The following LRRTM3 variants were observed in gnomAD, a reference collection of about 807,000 sequenced individuals.
LRRTM3 encodes leucine-rich repeat transmembrane neuronal protein 3.
In LRRTM3, 24 loss-of-function variants were observed where a neutral mutation model predicts 44.7. The observed-to-expected ratio is 0.54, with a 90% CI of 0.39 to 0.76. LRRTM3 has a LOEUF of 0.76. Ranked by LOEUF, LRRTM3 falls within the 30% of genes least tolerant of loss-of-function variation. The pLI, the probability that LRRTM3 is intolerant of heterozygous loss-of-function variation, is 0.00. For synonymous variants in LRRTM3, 277 were observed against 278.7 expected, an observed-to-expected ratio of 0.99 and a Z score of 0.06; for missense variants, 587 against 702.2, an observed-to-expected ratio of 0.84 and a Z score of 1.85.
chr10:67,075,175 C>A (rs1856682701), intron 2 of LRRTM3, among the ~76,000 whole-genome samples: 1 of 151,864 alleles, frequency 6.6e-6, no homozygotes, highest in African/African-American at 2.4e-5. Flanking sequence ...TTTCTGCACA[C>A]ACACACACAC....
chr10:66,956,610 A>T (rs1705441949), intron 2 of LRRTM3, among the ~76,000 whole-genome samples: 1 of 152,194 alleles, frequency 6.6e-6, no homozygotes, highest in Non-Finnish European at 1.5e-5. Flanking sequence ...CAATAGTCAA[A>T]AGGCATAATG....
intron 2 of LRRTM3, among the ~76,000 whole-genome samples, chr10:67,072,854 T>A (rs896386747): frequency 6.6e-6 from 1 of 152,202 alleles, no homozygotes; most frequent in Non-Finnish European, 1.5e-5. Flanking sequence ...TTTGTTTATT[T>A]CCTACTAAAA....
chr10:67,055,322 C>T (rs1172448628), intron 2 of LRRTM3, among the ~76,000 whole-genome samples: 2 of 152,114 alleles, frequency 1.3e-5, no homozygotes, highest in African/African-American at 4.8e-5. Context: ...TTGGAACAAA[C>T]TCATTAAGCA....
At chr10:66,954,871 G>A (rs1371280843) in intron 2 of LRRTM3, among the ~76,000 whole-genome samples, 2 of 152,142 alleles carry the variant, frequency 1.3e-5, no homozygotes, top group Non-Finnish European at 2.9e-5. Context: ...ACCTGGAGCT[G>A]TGGATTCTGG....
At chr10:66,992,581 T>C (rs1169405286) in intron 2 of LRRTM3, among the ~76,000 whole-genome samples, 1 of 152,170 alleles carries the variant, frequency 6.6e-6, no homozygotes, top group Non-Finnish European at 1.5e-5. Flanking sequence ...AATGAATAAA[T>C]GTATCAGTCT....
In LRRTM3 at chr10:66,926,308, A is replaced by T. The variant is rs1847070476; in HGVS notation, c.-276A>T. 1 of 449,836 alleles carries T rather than the reference A, an allele frequency of 2.2e-6. No individual in the cohort carries two copies. The allele number at this position is 449,836 out of a possible 1,614,324, so 27.9% of individuals were successfully genotyped here. On this transcript the variant is annotated 5_prime_UTR_variant, in exon 1 of 3. The change abolishes an upstream ATG in the 5' untranslated region. Transcript: ENST00000361320. The stretch of plus-strand genomic sequence containing the variant: ...CCCCACCCCCCAAAAAACTGTAAAG[A>T]TGCAAAAACGTAATATCCATGAAGA...
At chr10:66,986,216 T>C (rs1403589792) in intron 2 of LRRTM3, among the ~76,000 whole-genome samples, 1 of 152,098 alleles carries the variant, frequency 6.6e-6, no homozygotes, top group Non-Finnish European at 1.5e-5. Flanking sequence ...ATAGCAAGAC[T>C]GCTGGGCATG....
rs144145798 is a variant in LRRTM3 at position 67,074,190 on chromosome 10, G to A, written c.1537-23397G>A. 2.3e-3 allele frequency among the ~76,000 whole-genome samples: 351 copies of A among 151,348 alleles called. 5 individuals are homozygous for A. Among genetic ancestry groups the A allele is most frequent in the Middle Eastern group, 0.01 (3 of 292 alleles). The stretch of plus-strand genomic sequence containing the variant: ...TGGGACTATAGGCACGTGCCACCAT[G>A]ACCAGCTAATTTTTGTACTTTTAAT... On this transcript the variant is annotated intron_variant, in intron 2 of 2. Coordinates refer to ENST00000361320, the MANE Select transcript of LRRTM3 (RefSeq NM_178011.5).
At chr10:67,094,880 A>G (rs1245184866) in intron 2 of LRRTM3, among the ~76,000 whole-genome samples, 1 of 151,674 alleles carries the variant, frequency 6.6e-6, no homozygotes, top group African/African-American at 2.4e-5. Context: ...TATGTATACT[A>G]TATTTACATG....
At chr10:66,993,120 C>T (rs1851131317) in intron 2 of LRRTM3, among the ~76,000 whole-genome samples, 3 of 152,108 alleles carry the variant, frequency 2.0e-5, no homozygotes, top group South Asian at 4.1e-4. Context: ...TAGCCTCATT[C>T]GCATGGTTGA....
At chr10:67,014,056 TA>T in intron 2 of LRRTM3, among the ~76,000 whole-genome samples, 1 of 152,204 alleles carries the variant, frequency 6.6e-6, no homozygotes, top group Admixed American at 6.5e-5. Context: ...GTGTAAAAAA[TA>T]ACCTTTTTTC....
At chr10:67,021,237 T>C (rs1291613906) in intron 2 of LRRTM3, among the ~76,000 whole-genome samples, 1 of 152,178 alleles carries the variant, frequency 6.6e-6, no homozygotes, top group Non-Finnish European at 1.5e-5. Flanking sequence ...CTCAACTTTG[T>C]CAATTATTAA....
chr10:67,083,116 T>A (rs1186519422), intron 2 of LRRTM3, among the ~76,000 whole-genome samples: 2 of 152,126 alleles, frequency 1.3e-5, no homozygotes, highest in Non-Finnish European at 1.5e-5. Flanking sequence ...CCTTCATTAC[T>A]CAGCCTTTTA....
intron 2 of LRRTM3, among the ~76,000 whole-genome samples, chr10:67,000,620 G>A (rs1234063454): frequency 7.3e-6 from 1 of 136,876 alleles, no homozygotes; most frequent in Non-Finnish European, 1.7e-5. Flanking sequence ...CCAGGAAACA[G>A]GAGTCAGATC....
chr10:66,977,195 T>C (rs138037127), intron 2 of LRRTM3, among the ~76,000 whole-genome samples: 5 of 152,226 alleles, frequency 3.3e-5, no homozygotes, highest in African/African-American at 7.2e-5. Context: ...TCCTAGCACT[T>C]TGGGAGGCCG....
intron 2 of LRRTM3, among the ~76,000 whole-genome samples, chr10:67,047,852 C>CT (rs937165383): frequency 1.3e-5 from 2 of 151,964 alleles, no homozygotes; most frequent in African/African-American, 4.8e-5. Context: ...TTTTCCTGCT[C>CT]TTAGTTCAAT....
chr10:66,994,506 T>C (rs1851220796), intron 2 of LRRTM3, among the ~76,000 whole-genome samples: 1 of 152,182 alleles, frequency 6.6e-6, no homozygotes, highest in Non-Finnish European at 1.5e-5. Flanking sequence ...ATGCTGAACT[T>C]CTAAAGTAGG....
chr10:66,936,585 C>T (rs1847708876), intron 2 of LRRTM3, among the ~76,000 whole-genome samples: 2 of 152,056 alleles, frequency 1.3e-5, no homozygotes, highest in Non-Finnish European at 2.9e-5. Flanking sequence ...AAATGTTGAT[C>T]CTGTCAGAAA....
intron 2 of LRRTM3, among the ~76,000 whole-genome samples, chr10:67,088,704 A>G (rs529100516): frequency 6.6e-6 from 1 of 152,168 alleles, no homozygotes; most frequent in African/African-American, 2.4e-5. Context: ...ATTTCACTAT[A>G]ATGAAGTTTT....
Sources: gnomAD v4.1 joint callset for allele counts (sites outside exome capture counted in the v4.1 genomes callset) on GRCh38, gnomAD v4.1.1 for gene constraint, MANE v1.5 for transcripts, NCBI Gene and HGNC (gene_info 2026-07-23, HGNC 2026-07-21) for gene names.